SLC14A1: variants seen among roughly 807,000 people sequenced by gnomAD.
The protein encoded by SLC14A1 is urea transporter 1.
In SLC14A1, 36 loss-of-function variants were observed where a neutral mutation model predicts 39.6. The observed-to-expected ratio is 0.91, with a 90% CI of 0.70 to 1.20. The LOEUF (loss-of-function observed/expected upper bound fraction) is 1.20, where lower values mean the gene tolerates loss of function less well. SLC14A1 is among the 50% of genes most tolerant of loss of function. SLC14A1 has a pLI of 0.00. For missense variants in SLC14A1, 469 were observed against 478.7 expected (o/e 0.98, Z 0.19); for synonymous variants, 164 against 173.6 (o/e 0.94, Z 0.43).
chr18:45,734,109 CT>C, intron 4 of SLC14A1, 164 bp from the exon 5 acceptor site: 1 of 820,694 alleles, frequency 1.2e-6, no homozygotes. Context: ...CACTTCATGT[CT>C]TTATTAGTTT....
Position 45,750,114 on chromosome 18 carries a change from C to A in SLC14A1, c.*163C>A. ...TCATTTTGTATTTTCCTTTCAACTC[C>A]AGGAATATCCTTGAGCATATGAGAG... On this transcript the variant is annotated 3_prime_UTR_variant, in exon 10 of 10. Transcript: ENST00000321925. 2 of 1,512,262 alleles carry A rather than the reference C, an allele frequency of 1.3e-6. No homozygotes were observed. Among genetic ancestry groups the A allele is most frequent in the African/African-American group, 1.4e-5 (1 of 72,746 alleles). The allele number at this position is 1,512,262 out of a possible 1,614,324, so 93.7% of individuals were successfully genotyped here. A position where few individuals can be genotyped will look rare whatever the true frequency, so the allele number is the denominator to read the frequency against.
chr18:45,724,727 T>C (rs1434743670), intron 1 of SLC14A1, among the ~76,000 whole-genome samples: 1 of 152,258 alleles, frequency 6.6e-6, no homozygotes, highest in Non-Finnish European at 1.5e-5. Flanking sequence ...GATGGATTTA[T>C]GGACTCCTCT....
rs554764956 is a variant in SLC14A1, at chr18:45,747,718, A to T, written c.947-658A>T. Among the ~76,000 whole-genome samples, 10 of 152,284 alleles carry T rather than the reference A, an allele frequency of 6.6e-5. No homozygotes were observed. The South Asian group carries it at 1.7e-3, about 25-fold the overall frequency. Reference sequence around the variant, plus strand: ...TCCAAAAAAAATAAAAAATAAAAAAAAAGACGTTTATTCATTGATTTTAAT... The same window carrying T: ...TCCAAAAAAAATAAAAAATAAAAAATAAGACGTTTATTCATTGATTTTAAT... On this transcript the variant is annotated intron_variant, in intron 8 of 9. Transcript: ENST00000321925.
Position 45,730,405 on chromosome 18 carries a change from A to AGG in SLC14A1, c.86_87dup (p.Cys30GlyfsTer14). 6.2e-7 allele frequency: 1 copy of AGG among 1,614,208 alleles called. No individual in the cohort carries two copies. Among genetic ancestry groups the AGG allele is most frequent in the Non-Finnish European group, 8.5e-7 (1 of 1,180,028 alleles). On this transcript the variant is annotated frameshift_variant, in exon 3 of 10. Coordinates refer to ENST00000321925, the MANE Select transcript of SLC14A1 (RefSeq NM_015865.7). LOFTEE classifies it high-confidence loss of function. ...CCAGGTTTCGCCATGTCAAGGGAGA[A>AGG]GGTGCTTCCCCAAAGCTCTTGGCTA...
intron 9 of SLC14A1, among the ~76,000 whole-genome samples, chr18:45,749,200 C>T (rs763551466): frequency 7.2e-5 from 11 of 152,102 alleles, no homozygotes; most frequent in Non-Finnish European, 1.0e-4. Context: ...GGTACCCCTA[C>T]ACTCCATCAC....
At chr18:45,729,122 G>A (rs1018157362) in intron 2 of SLC14A1, 1 of 152,192 alleles carries the variant, frequency 6.6e-6, no homozygotes, top group African/African-American at 2.4e-5. Context: ...AAGACAGGCT[G>A]GTTTCTCTAT....
intron 4 of SLC14A1, chr18:45,731,580 C>A: frequency 3.0e-6 from 1 of 337,986 alleles, no homozygotes; most frequent in Non-Finnish European, 5.8e-6. Context: ...GGCTTAATAA[C>A]CCCCGTTATA....
At chr18:45,748,476 A>G in intron 9 of SLC14A1, 51 bp downstream of exon 9, 1 of 1,582,502 alleles carries the variant, frequency 6.3e-7, no homozygotes, top group South Asian at 1.1e-5. Context: ...CCAGCTTACA[A>G]CTATATGGGA....
At chr18:45,731,434 C>T (rs10460034) in intron 4 of SLC14A1, 277,067 of 588,132 alleles carry the variant, frequency 0.47, 66,793 homozygotes, top group East Asian at 0.54. Context: ...TGTGGCATTA[C>T]GTGCTAACCA....
At chr18:45,733,490 A>C (rs888674083) in intron 4 of SLC14A1, among the ~76,000 whole-genome samples, 1 of 152,238 alleles carries the variant, frequency 6.6e-6, no homozygotes, top group African/African-American at 2.4e-5. Context: ...AGACACTGTG[A>C]AAGTGAATTT....
chr18:45,740,520 CAAAAAA>C (rs10714760), intron 8 of SLC14A1, among the ~76,000 whole-genome samples: 1 of 132,548 alleles, frequency 7.5e-6, no homozygotes. Context: ...GACTTCATCT[CAAAAAA>C]AAAAAAAAAA....
chr18:45,740,299 G>A (rs991129727), intron 8 of SLC14A1, among the ~76,000 whole-genome samples: 2 of 152,196 alleles, frequency 1.3e-5, no homozygotes, highest in Admixed American at 1.3e-4. Flanking sequence ...CCCTTTGAGT[G>A]AGCATCACAG....
chr18:45,750,545 T>A lies in SLC14A1; in HGVS notation c.*594T>A. Reference sequence around the variant, plus strand: ...CCCTTGTGTGTGTGACATTCTCTCATGGGACAATGTTGGGGTTTTTCAGAC... The same window carrying A: ...CCCTTGTGTGTGTGACATTCTCTCAAGGGACAATGTTGGGGTTTTTCAGAC... On this transcript the variant is annotated 3_prime_UTR_variant, in exon 10 of 10. Transcript: ENST00000321925. The A allele has an allele frequency of 1.0e-6, 1 of 989,170 alleles. No homozygotes were observed. The highest frequency in any genetic ancestry group is 1.2e-6 in the Non-Finnish European group (1 of 832,176). The allele number at this position is 989,170 out of a possible 1,614,324, so 61.3% of individuals were successfully genotyped here. A position where few individuals can be genotyped will look rare whatever the true frequency, so the allele number is the denominator to read the frequency against.
chr18:45,730,430 A>G lies in SLC14A1; in HGVS notation c.110A>G (p.Tyr37Cys). ...GRRCFPKALGYVTGDMKELAN... is the reference protein window; with the variant it reads ...GRRCFPKALGCVTGDMKELAN... ...AGGTGCTTCCCCAAAGCTCTTGGCT[A>G]TGTCACCGGTGACATGAAAGAACTT... Residue 37 changes from tyrosine to cysteine, a missense_variant, in exon 3 of 10, where the codon TAT (tyrosine) becomes TGT (cysteine). Tyr to Cys is a radical substitution (Grantham distance 194). Transcript: ENST00000321925. 1.2e-6 allele frequency: 2 copies of G among 1,614,204 alleles called. No individual in the cohort carries two copies. Among genetic ancestry groups the G allele is most frequent in the Non-Finnish European group, 1.7e-6 (2 of 1,180,018 alleles).
At chr18:45,732,261 T>C (rs919667862) in intron 4 of SLC14A1, among the ~76,000 whole-genome samples, 4 of 152,228 alleles carry the variant, frequency 2.6e-5, no homozygotes, top group African/African-American at 9.7e-5. Context: ...AAAATGGAAA[T>C]TCTCTGTTTT....
rs930628224 is a variant in SLC14A1, at chr18:45,751,943, A to G, written c.*1992A>G. 6 of 985,264 alleles carry G rather than the reference A, an allele frequency of 6.1e-6. No individual in the cohort carries two copies. The African/African-American group carries it at 1.0e-4, about 17-fold the overall frequency. 61.0% of individuals were successfully genotyped at this position (985,264 alleles called of 1,614,324 possible). A position where few individuals can be genotyped will look rare whatever the true frequency, so the allele number is the denominator to read the frequency against. The stretch of plus-strand genomic sequence containing the variant: ...TCTAGTTTGCAGTGCTCAGTGCACA[A>G]TATACATTTTGCTGAATGAATAAAC... On this transcript the variant is annotated 3_prime_UTR_variant, in exon 10 of 10. Coordinates refer to ENST00000321925, the MANE Select transcript of SLC14A1 (RefSeq NM_015865.7).
Position 45,730,337 on chromosome 18 carries a change from C to G in SLC14A1, c.17C>G (p.Thr6Ser), listed in dbSNP as rs1315072379. 6.2e-7 allele frequency: 1 copy of G among 1,613,122 alleles called. No homozygotes were observed. Among genetic ancestry groups the G allele is most frequent in the Non-Finnish European group, 8.5e-7 (1 of 1,179,912 alleles). The change falls in exon 3 of 10, where the codon ACT becomes AGT. Residue 6 changes from threonine (T) to serine (S), a missense_variant. Transcript: ENST00000321925. ...GAGATAGCCATGGAGGACAGCCCCA[C>G]TATGGTTAGAGTGGACAGCCCCACT... MEDSP[T>S]MVRVDSPTMV...
At chr18:45,738,568 T>C (rs2047264192) in intron 6 of SLC14A1, among the ~76,000 whole-genome samples, 1 of 152,220 alleles carries the variant, frequency 6.6e-6, no homozygotes, top group Non-Finnish European at 1.5e-5. Context: ...AATATCTTTG[T>C]TTAAATGAAT....
In SLC14A1 at chr18:45,749,804, C is replaced by T. The variant is rs2047660170; in HGVS notation, c.1023C>T (p.Pro341=). Residue 341 remains proline, a synonymous_variant, in exon 10 of 10, where the codon CCC becomes CCT. Transcript: ENST00000321925. ...TTGGATTGCCAGCTTGTACCTGGCC[C>T]TTCTGTTTGGCCACGCTATTGTTCC... ...AEVGLPACTW[P]FCLATLLFLI... The T allele has an allele frequency of 6.2e-7, 1 of 1,614,160 alleles. No individual in the cohort carries two copies. The highest frequency in any genetic ancestry group is 8.5e-7 in the Non-Finnish European group (1 of 1,180,020).
Sources: allele counts gnomAD v4.1 joint callset (sites outside exome capture counted in the v4.1 genomes callset), GRCh38; gene constraint gnomAD v4.1.1; transcripts MANE v1.5; gene names NCBI Gene and HGNC (gene_info 2026-07-23, HGNC 2026-07-21).